The following NCOA3 variants were observed in gnomAD, a reference collection of about 807,000 sequenced individuals.
The protein encoded by NCOA3 is CBP-interacting protein.
NCOA3 carries 51 observed loss-of-function variants against 158.8 expected under a neutral mutation model. The ratio of observed to expected loss-of-function variants is 0.32; its 90% CI spans 0.26 to 0.41. The LOEUF (loss-of-function observed/expected upper bound fraction) is 0.41, where lower values mean the gene tolerates loss of function less well. Ranked by LOEUF, NCOA3 falls within the 10% of genes least tolerant of loss-of-function variation. The pLI is 1.00. For synonymous variants in NCOA3, 537 were observed against 592.4 expected (o/e 0.91, Z 1.36); for missense variants, 1,510 against 1,746.6 (o/e 0.86, Z 2.41).
At chr20:47,528,104 C>T (rs2084485573) in intron 1 of NCOA3, among the ~76,000 whole-genome samples, 1 of 152,142 alleles carries the variant, frequency 6.6e-6, no homozygotes, top group Non-Finnish European at 1.5e-5. Flanking sequence ...TCAGCTGAGT[C>T]TCTGTAGTAA....
intron 1 of NCOA3, among the ~76,000 whole-genome samples, chr20:47,553,276 C>G (rs1391825454): frequency 6.6e-6 from 1 of 152,060 alleles, no homozygotes; most frequent in African/African-American, 2.4e-5. Context: ...TAACTAGTTC[C>G]TCTGCTTTCA....
Position 47,627,681 on chromosome 20 carries a change from G to A in NCOA3, c.653G>A (p.Arg218His), listed in dbSNP as rs1200320359. The change falls in exon 7 of 23, where the codon CGC becomes CAC. Residue 218 changes from arginine to histidine, a missense_variant. By Grantham distance (29) the Arg-to-His change is conservative (BLOSUM62 0). Transcript: ENST00000371998. The part of the protein sequence containing the change: ...LEDINASPEM[R>H]QRYETMQCFA... Reference sequence around the variant, plus strand: ...GACATAAACGCCAGTCCTGAAATGCGCCAGAGATATGAAACAATGCAGTGC... The same window carrying A: ...GACATAAACGCCAGTCCTGAAATGCACCAGAGATATGAAACAATGCAGTGC... 5 of 1,613,970 alleles carry A rather than the reference G, an allele frequency of 3.1e-6. No individual in the cohort carries two copies. Among genetic ancestry groups the A allele is most frequent in the East Asian group, 2.2e-5 (1 of 44,890 alleles).
At chr20:47,608,692 A>G (rs1199709627) in intron 2 of NCOA3, among the ~76,000 whole-genome samples, 1 of 151,758 alleles carries the variant, frequency 6.6e-6, no homozygotes, top group Non-Finnish European at 1.5e-5. Flanking sequence ...AATTTCTAAT[A>G]TGGTGAATAC....
chr20:47,505,209 G>A (rs1027782996), intron 1 of NCOA3, among the ~76,000 whole-genome samples: 3 of 150,488 alleles, frequency 2.0e-5, no homozygotes, highest in East Asian at 1.9e-4. Flanking sequence ...TTACAGGTGC[G>A]CACCACCACG....
intron 1 of NCOA3, among the ~76,000 whole-genome samples, chr20:47,576,013 C>T (rs1435296957): frequency 1.3e-5 from 2 of 152,124 alleles, no homozygotes; most frequent in African/African-American, 2.4e-5. Context: ...TTATTGGTTT[C>T]TGCATTTGAA....
chr20:47,594,578 T>G (rs2085712626), intron 2 of NCOA3, among the ~76,000 whole-genome samples: 2 of 135,842 alleles, frequency 1.5e-5, no homozygotes, highest in South Asian at 4.8e-4. Flanking sequence ...GGCAGGAGAA[T>G]CCCTTGAACC....
chr20:47,625,565 GT>G, intron 5 of NCOA3, 84 bp downstream of exon 5: 2 of 980,208 alleles, frequency 2.0e-6, no homozygotes, highest in Non-Finnish European at 3.1e-6. Context: ...TGAAATTTTG[GT>G]TAGGAAATGA....
chr20:47,538,394 C>T (rs778824789), intron 1 of NCOA3, among the ~76,000 whole-genome samples: 1 of 152,096 alleles, frequency 6.6e-6, no homozygotes, highest in Non-Finnish European at 1.5e-5. Flanking sequence ...TTGTAACATT[C>T]TGTTTAAGAG....
At chr20:47,545,695 C>T (rs1289045605) in intron 1 of NCOA3, among the ~76,000 whole-genome samples, 3 of 150,364 alleles carry the variant, frequency 2.0e-5, no homozygotes, top group East Asian at 1.9e-4. Flanking sequence ...GGGATTCCTA[C>T]TATACATATA....
At chr20:47,551,630 A>C (rs2084928710) in intron 1 of NCOA3, among the ~76,000 whole-genome samples, 1 of 152,162 alleles carries the variant, frequency 6.6e-6, no homozygotes, top group Non-Finnish European at 1.5e-5. Context: ...ACTAAGATGA[A>C]TGTTTCTTTT....
intron 1 of NCOA3, among the ~76,000 whole-genome samples, chr20:47,568,832 A>G (rs1429546391): frequency 1.3e-5 from 2 of 152,062 alleles, no homozygotes; most frequent in Admixed American, 1.3e-4. Flanking sequence ...ATGCTGATTG[A>G]TCATCTTAAC....
chr20:47,587,181 A>G (rs2085549351), intron 2 of NCOA3, among the ~76,000 whole-genome samples: 1 of 152,132 alleles, frequency 6.6e-6, no homozygotes, highest in African/African-American at 2.4e-5. Context: ...TGTATTGGTG[A>G]TGGATTCATG....
At position 47,627,103 on chromosome 20, in the gene NCOA3, T is replaced by TAAC; in HGVS notation, c.461_463dup (p.Asn154dup). 6.2e-7 allele frequency: 1 copy of TAAC among 1,612,908 alleles called. No individual in the cohort carries two copies. The highest frequency in any genetic ancestry group is 8.5e-7 in the Non-Finnish European group (1 of 1,178,958). On this transcript the variant is annotated inframe_insertion, in exon 6 of 23. Transcript: ENST00000371998. Reference sequence around the variant, plus strand: ...TGCAATATAAGCAAGAGGACCTGGTTAACACAAGTGTTTACAATATCTTAC... The same window carrying TAAC: ...TGCAATATAAGCAAGAGGACCTGGTTAACAACACAAGTGTTTACAATATCTTAC...
chr20:47,650,902 T>TA lies in NCOA3; in HGVS notation c.3652-80_3652-79insA. ...TGGGTGTTTTCTGTCTTATACCTGG[T>TA]GTATTGTGGGGGTACTATATGTATG... On this transcript the variant is annotated intron_variant, in intron 19 of 22. Transcript: ENST00000371998. 3.1e-6 allele frequency: 4 copies of TA among 1,298,110 alleles called. No individual in the cohort carries two copies. In the East Asian group the frequency reaches 9.3e-5, roughly 30 times the overall value. The allele number at this position is 1,298,110 out of a possible 1,614,324, so 80.4% of individuals were successfully genotyped here. A position where few individuals can be genotyped will look rare whatever the true frequency, so the allele number is the denominator to read the frequency against.
chr20:47,626,749 G>A (rs1366751803), intron 5 of NCOA3, among the ~76,000 whole-genome samples: 1 of 152,138 alleles, frequency 6.6e-6, no homozygotes, highest in Non-Finnish European at 1.5e-5. Flanking sequence ...GCTTCTCCTT[G>A]GCTTGTCACT....
At chr20:47,579,422 T>C (rs2085418826) in intron 1 of NCOA3, among the ~76,000 whole-genome samples, 1 of 152,246 alleles carries the variant, frequency 6.6e-6, no homozygotes, top group Admixed American at 6.5e-5. Flanking sequence ...TTTGTATGTG[T>C]GATTGATGAA....
At chr20:47,608,885 TC>T (rs796726778) in intron 2 of NCOA3, among the ~76,000 whole-genome samples, 5 of 152,304 alleles carry the variant, frequency 3.3e-5, no homozygotes, top group African/African-American at 1.2e-4. Context: ...TACAGCTGCC[TC>T]TATTCTGTGC....
chr20:47,644,865 T>G (rs2086664107), intron 17 of NCOA3, among the ~76,000 whole-genome samples: 1 of 152,042 alleles, frequency 6.6e-6, no homozygotes, highest in Non-Finnish European at 1.5e-5. Context: ...GCCCGGCTTT[T>G]TTTTGTATTT....
At chr20:47,587,951 C>CT (rs2085561946) in intron 2 of NCOA3, among the ~76,000 whole-genome samples, 1 of 152,038 alleles carries the variant, frequency 6.6e-6, no homozygotes, top group Admixed American at 6.6e-5. Context: ...GCCTAATCCT[C>CT]TAATACATCT....
Sources: allele counts gnomAD v4.1 joint callset (sites outside exome capture counted in the v4.1 genomes callset), GRCh38; gene constraint gnomAD v4.1.1; transcripts MANE v1.5; gene names NCBI Gene and HGNC (gene_info 2026-07-23, HGNC 2026-07-21).